Variants in CHCHD6 observed in about 807,000 individuals in gnomAD.
The protein encoded by CHCHD6 is MICOS complex subunit MIC25.
A neutral mutation model predicts 32.3 loss-of-function variants in CHCHD6; 28 were observed. The observed-to-expected ratio is 0.87, with a 90% CI of 0.64 to 1.19. The LOEUF (loss-of-function observed/expected upper bound fraction) is 1.19, where lower values mean the gene tolerates loss of function less well. CHCHD6 is among the 50% of genes most tolerant of loss of function. The probability of loss-of-function intolerance (pLI) is 0.00; values close to 1 mark genes in which losing one functional copy is unlikely to be tolerated. For missense variants in CHCHD6, 333 were observed against 307.0 expected, an observed-to-expected ratio of 1.08 and a Z score of -0.63; for synonymous variants, 122 against 117.5, an observed-to-expected ratio of 1.04 and a Z score of -0.25.
chr3:126,930,363 A>C (rs1439063530), intron 6 of CHCHD6, among the ~76,000 whole-genome samples: 1 of 152,160 alleles, frequency 6.6e-6, no homozygotes, highest in Non-Finnish European at 1.5e-5. Context: ...ATTCTCGAGA[A>C]TTCTGTAAAG....
At chr3:126,838,931 C>T (rs1156876705) in intron 4 of CHCHD6, among the ~76,000 whole-genome samples, 2 of 147,116 alleles carry the variant, frequency 1.4e-5, no homozygotes, top group Non-Finnish European at 3.0e-5. Context: ...CTCTGTTGCT[C>T]AGCCCGGCAT....
chr3:126,852,547 C>A, intron 4 of CHCHD6, 100 bp from the exon 5 acceptor site: 1 of 781,822 alleles, frequency 1.3e-6, no homozygotes, highest in Non-Finnish European at 2.3e-6. Flanking sequence ...CTACTGTTCT[C>A]ATTGTGAATG....
At position 126,737,390 on chromosome 3, in the gene CHCHD6, G is replaced by GTGTATATATATA. The variant is rs755051777; in HGVS notation, c.411+4169_411+4170insGTATATATATAT. ...TCTTTTATTATTTTATGATGTGTGA[G>GTGTATATATATA]TATATATATATATATATATATATAT... On this transcript the variant is annotated intron_variant, in intron 4 of 7. Transcript: ENST00000290913. Among the ~76,000 whole-genome samples, 297 of 132,622 alleles carry GTGTATATATATA rather than the reference G, an allele frequency of 2.2e-3. 1 individual carries two copies. Among genetic ancestry groups the GTGTATATATATA allele is most frequent in the African/African-American group, 6.3e-3 (231 of 36,484 alleles). The allele number at this position is 132,622 out of a possible 152,430, so 87.0% of individuals were successfully genotyped here.
At chr3:126,861,350 A>C (rs999465197) in intron 5 of CHCHD6, among the ~76,000 whole-genome samples, 1 of 151,980 alleles carries the variant, frequency 6.6e-6, no homozygotes, top group Non-Finnish European at 1.5e-5. Flanking sequence ...ACCTCAACCA[A>C]GTGATTTACT....
intron 4 of CHCHD6, among the ~76,000 whole-genome samples, chr3:126,817,307 C>T (rs1160211510): frequency 4.7e-5 from 7 of 149,170 alleles, no homozygotes; most frequent in African/African-American, 1.7e-4. Context: ...CAATTGAGTA[C>T]CTTGGGGTTT....
chr3:126,904,033 T>G (rs1048856664), intron 5 of CHCHD6, among the ~76,000 whole-genome samples: 3 of 152,234 alleles, frequency 2.0e-5, no homozygotes, highest in Non-Finnish European at 4.4e-5. Context: ...AATGGGACTT[T>G]GATCTTTTGC....
intron 6 of CHCHD6, among the ~76,000 whole-genome samples, chr3:126,915,499 C>G (rs1192602161): frequency 3.3e-5 from 5 of 152,160 alleles, no homozygotes; most frequent in Non-Finnish European, 1.5e-5. Flanking sequence ...CTCTATGGAC[C>G]TGAGAGACCT....
chr3:126,764,298 C>T (rs192663122), intron 4 of CHCHD6, among the ~76,000 whole-genome samples: 122 of 150,810 alleles, frequency 8.1e-4, no homozygotes, highest in Non-Finnish European at 1.6e-3. Context: ...TCTTTGATTC[C>T]CCTTCATGCT....
intron 4 of CHCHD6, among the ~76,000 whole-genome samples, chr3:126,785,021 T>C (rs527535301): frequency 1.3e-5 from 2 of 152,320 alleles, no homozygotes; most frequent in African/African-American, 4.8e-5. Context: ...TATACTTATA[T>C]ATTTACAAAA....
chr3:126,767,117 T>C, intron 4 of CHCHD6: 1 of 1,470,156 alleles, frequency 6.8e-7, no homozygotes, highest in East Asian at 2.3e-5. Context: ...ATCCGAGTTG[T>C]GTCCCAGCTG....
At chr3:126,864,572 A>G (rs1252841265) in intron 5 of CHCHD6, among the ~76,000 whole-genome samples, 1 of 100,754 alleles carries the variant, frequency 9.9e-6, no homozygotes, top group South Asian at 3.6e-4. Context: ...CTTCTCCACC[A>G]CCTCCTTCTC....
At chr3:126,801,109 G>A (rs777825937) in intron 4 of CHCHD6, among the ~76,000 whole-genome samples, 58 of 152,222 alleles carry the variant, frequency 3.8e-4, no homozygotes, top group Non-Finnish European at 7.2e-4. Context: ...GAACAGCTCC[G>A]GTCCACAGCT....
chr3:126,909,002 C>G (rs1172811825), intron 5 of CHCHD6, among the ~76,000 whole-genome samples: 1 of 152,240 alleles, frequency 6.6e-6, no homozygotes, highest in South Asian at 2.1e-4. Context: ...TGCTGCCGCT[C>G]TGTTCTTGGA....
At chr3:126,948,377 C>A (rs543481588) in intron 6 of CHCHD6, among the ~76,000 whole-genome samples, 1 of 152,314 alleles carries the variant, frequency 6.6e-6, no homozygotes, top group East Asian at 1.9e-4. Context: ...CCGGGACACA[C>A]ATACTGTTGG....
chr3:126,791,097 C>T (rs1467643661), intron 4 of CHCHD6, among the ~76,000 whole-genome samples: 1 of 152,216 alleles, frequency 6.6e-6, no homozygotes, highest in Non-Finnish European at 1.5e-5. Flanking sequence ...ACTCCAGACC[C>T]TGTTTGCCTG....
At chr3:126,824,577 A>AAAAAAAAAAAAAAAAAC (rs1940306143) in intron 4 of CHCHD6, among the ~76,000 whole-genome samples, 1 of 149,938 alleles carries the variant, frequency 6.7e-6, no homozygotes, top group Non-Finnish European at 1.5e-5. Flanking sequence ...AAAAAAAAAA[A>AAAAAAAAAAAAAAAAAC]AAAAGTCAAA....
rs146361576 is a variant in CHCHD6, at chr3:126,912,593, G to A, written c.496-2087G>A. Among the ~76,000 whole-genome samples the A allele has an allele frequency of 8.5e-4, 130 of 152,332 alleles. 1 individual carries two copies. The highest frequency in any genetic ancestry group is 2.9e-3 in the African/African-American group (119 of 41,564). ...CCTTGGCTCAGAAGTGAGGAGCAGC[G>A]AGGTGACTTGCCTAAGCTCACCAGG... On this transcript the variant is annotated intron_variant, in intron 5 of 7. Coordinates refer to ENST00000290913, the MANE Select transcript of CHCHD6 (RefSeq NM_032343.3).
At chr3:126,858,792 G>T (rs1941753767) in intron 5 of CHCHD6, among the ~76,000 whole-genome samples, 2 of 152,198 alleles carry the variant, frequency 1.3e-5, no homozygotes. Flanking sequence ...TGACCAGGTT[G>T]CTCCATGTCC....
At position 126,865,477 on chromosome 3, in the gene CHCHD6, A is replaced by G. The variant is rs981018173; in HGVS notation, c.495+12747A>G. The G allele has an allele frequency of 8.2e-6, 6 of 728,136 alleles. No homozygotes were observed. In the East Asian group the frequency reaches 7.0e-4, roughly 85 times the overall value. The allele number at this position is 728,136 out of a possible 1,614,324, so 45.1% of individuals were successfully genotyped here. ...ATTTCCAGTGCCTACACTTTCATCAACTCCATCACCAACTTCGCCTTCACC... is the reference window on the plus strand; with the variant it reads ...ATTTCCAGTGCCTACACTTTCATCAGCTCCATCACCAACTTCGCCTTCACC... On this transcript the variant is annotated intron_variant, in intron 5 of 7. Coordinates refer to ENST00000290913, the MANE Select transcript of CHCHD6 (RefSeq NM_032343.3).
Sources: allele counts gnomAD v4.1 joint callset (sites outside exome capture counted in the v4.1 genomes callset), GRCh38; gene constraint gnomAD v4.1.1; transcripts MANE v1.5; gene names NCBI Gene and HGNC (gene_info 2026-07-23, HGNC 2026-07-21).